Variants in NCAPG2 observed in about 807,000 individuals in gnomAD.
NCAPG2 encodes non-SMC condensin II complex subunit G2, also known as condensin-2 complex subunit G2.
In NCAPG2, 53 loss-of-function variants were observed where a neutral mutation model predicts 141.1. The ratio of observed to expected loss-of-function variants is 0.38; its 90% CI spans 0.30 to 0.47. NCAPG2 has a LOEUF of 0.47. Ranked by LOEUF, NCAPG2 falls within the 20% of genes least tolerant of loss-of-function variation. The probability of loss-of-function intolerance (pLI) is 0.99; values close to 1 mark genes in which losing one functional copy is unlikely to be tolerated. For missense variants in NCAPG2, 1,087 were observed against 1,389.0 expected (o/e 0.78, Z 3.46); for synonymous variants, 499 against 490.7 (o/e 1.02, Z -0.22).
intron 27 of NCAPG2, among the ~76,000 whole-genome samples, chr7:158,634,968 C>T (rs918608600): frequency 1.3e-5 from 2 of 152,188 alleles, no homozygotes; most frequent in African/African-American, 4.8e-5. Flanking sequence ...AGACCATGTG[C>T]AAGTCCCCTC....
intron 27 of NCAPG2, chr7:158,640,035 C>A (rs1278396753): frequency 2.8e-5 from 3 of 108,484 alleles, no homozygotes; most frequent in Non-Finnish European, 5.1e-5. Context: ...TCATAGAATA[C>A]TGAATAGAAT....
At chr7:158,696,903 C>G (rs1378729631) in intron 2 of NCAPG2, among the ~76,000 whole-genome samples, 1 of 152,184 alleles carries the variant, frequency 6.6e-6, no homozygotes, top group Non-Finnish European at 1.5e-5. Context: ...AATGACAAAC[C>G]ACATATATGA....
chr7:158,691,805 ATACTT>A (rs1404992058), intron 4 of NCAPG2, among the ~76,000 whole-genome samples: 11 of 152,228 alleles, frequency 7.2e-5, no homozygotes, highest in African/African-American at 2.4e-4. Flanking sequence ...CGTTCACAAC[ATACTT>A]TAAGAAAAAA....
Position 158,701,810 on chromosome 7 carries a change from C to T in NCAPG2, c.78+12G>A. ...GTCAAAAATCACAACAAAACTAAAA[C>T]ATGAAACTTACATCAAGTTGAACAA... On this transcript the variant is annotated intron_variant, in intron 2 of 27. Transcript: ENST00000356309. 6.2e-7 allele frequency: 1 copy of T among 1,607,912 alleles called. No homozygotes were observed. Among genetic ancestry groups the T allele is most frequent in the Non-Finnish European group, 8.5e-7 (1 of 1,175,280 alleles).
At chr7:158,642,961 T>A (rs1218741846) in intron 27 of NCAPG2, among the ~76,000 whole-genome samples, 4 of 152,128 alleles carry the variant, frequency 2.6e-5, no homozygotes, top group African/African-American at 9.7e-5. Context: ...TTTTATTTTT[T>A]ACTTTTATTT....
intron 13 of NCAPG2, chr7:158,667,022 GC>G (rs2129461155): frequency 1.7e-6 from 1 of 603,552 alleles, no homozygotes; most frequent in Non-Finnish European, 2.1e-6. Flanking sequence ...CATAGACAAT[GC>G]CCTCCCGTCA....
intron 27 of NCAPG2, among the ~76,000 whole-genome samples, chr7:158,632,991 A>C (rs1054512658): frequency 6.6e-6 from 1 of 152,190 alleles, no homozygotes; most frequent in Non-Finnish European, 1.5e-5. Flanking sequence ...GGCCTGCATG[A>C]ATCTAGAAAA....
chr7:158,641,312 G>A lies in NCAPG2; in HGVS notation c.3380+2977C>T, dbSNP rs141519957. ...CTATATCAATAATCACTTTGAATAT[G>A]GTACATATGCACCAATTTTAAGACA... On this transcript the variant is annotated intron_variant, in intron 27 of 27. Coordinates refer to ENST00000356309, the MANE Select transcript of NCAPG2 (RefSeq NM_017760.7). 4.3e-5 allele frequency: 17 copies of A among 398,952 alleles called. No homozygotes were observed. In the Admixed American group the frequency reaches 6.6e-4, roughly 16 times the overall value. The allele number at this position is 398,952 out of a possible 1,614,324, so 24.7% of individuals were successfully genotyped here.
At chr7:158,704,165 G>A (rs1204443608) in intron 1 of NCAPG2, among the ~76,000 whole-genome samples, 1 of 143,540 alleles carries the variant, frequency 7.0e-6, no homozygotes, top group African/African-American at 2.6e-5. Flanking sequence ...TGAGGGGGTC[G>A]CTCTCTGAGG....
chr7:158,644,108 T>G (rs1417157244), intron 27 of NCAPG2, among the ~76,000 whole-genome samples, 181 bp downstream of exon 27: 1 of 152,232 alleles, frequency 6.6e-6, no homozygotes, highest in East Asian at 1.9e-4. Context: ...GAAGACAGAA[T>G]TAGCAAGTAA....
intron 27 of NCAPG2, among the ~76,000 whole-genome samples, chr7:158,639,605 G>C (rs757722856): frequency 2.6e-5 from 4 of 152,110 alleles, no homozygotes; most frequent in Non-Finnish European, 4.4e-5. Flanking sequence ...GCAGTAATAG[G>C]AAATCAGACC....
At chr7:158,639,952 TAAGAATTTCAGAAGAGAGA>T (rs1423950880) in intron 27 of NCAPG2, 1 of 576,268 alleles carries the variant, frequency 1.7e-6, no homozygotes, top group East Asian at 1.5e-4. Context: ...ACATGTATAA[TAAGAATTTCAGAAGAGAGA>T]AAGGAACAGA....
In NCAPG2 at chr7:158,692,946, A is replaced by G; in HGVS notation, c.278T>C (p.Ile93Thr). 6.5e-7 allele frequency: 1 copy of G among 1,544,464 alleles called. No homozygotes were observed. Among genetic ancestry groups the G allele is most frequent in the Non-Finnish European group, 8.9e-7 (1 of 1,129,406 alleles). ...AGATGTAATTGCATAAATTATTTCT[A>G]TGCTTTTTCTCTATAAATGAAAAAT... is the stretch of plus-strand genomic sequence containing the variant. ...TEHGSKMRKS[I>T]EIIYAITSVI... The change falls in exon 4 of 28, where the codon ATA (isoleucine) becomes ACA (threonine). Residue 93 changes from isoleucine (I) to threonine (T), a missense_variant. Physicochemically the swap from Ile to Thr is moderately conservative, Grantham distance 89. Coordinates refer to ENST00000356309, the MANE Select transcript of NCAPG2 (RefSeq NM_017760.7).
At chr7:158,694,661 G>A (rs12668173) in intron 2 of NCAPG2, among the ~76,000 whole-genome samples, 47,116 of 151,954 alleles carry the variant, frequency 0.31, 7,509 homozygotes, top group East Asian at 0.4. Flanking sequence ...CAAAACTGTC[G>A]GGGTCATAAA....
At chr7:158,652,749 T>C (rs1273543226) in intron 22 of NCAPG2, among the ~76,000 whole-genome samples, 1 of 152,222 alleles carries the variant, frequency 6.6e-6, no homozygotes, top group Non-Finnish European at 1.5e-5. Context: ...AACTAAAAAT[T>C]GTGTTCATTG....
At chr7:158,701,586 TC>T (rs1835793514) in intron 2 of NCAPG2, among the ~76,000 whole-genome samples, 1 of 152,220 alleles carries the variant, frequency 6.6e-6, no homozygotes, top group Non-Finnish European at 1.5e-5. Context: ...GTTAGATGGG[TC>T]CTTTCCCCCA....
chr7:158,686,089 C>T (rs981941583), intron 8 of NCAPG2, 83 bp downstream of exon 8: 1 of 837,938 alleles, frequency 1.2e-6, no homozygotes, highest in Admixed American at 3.3e-5. Context: ...AAACATGGAT[C>T]TTAAATAACC....
At chr7:158,684,206 T>C (rs532276095) in intron 8 of NCAPG2, among the ~76,000 whole-genome samples, 1 of 152,168 alleles carries the variant, frequency 6.6e-6, no homozygotes, top group Non-Finnish European at 1.5e-5. Flanking sequence ...CAATGAAAGA[T>C]GAGATACACA....
Position 158,644,372 on chromosome 7 carries a change from T to G in NCAPG2, c.3297A>C (p.Ser1099=). ...CAGTGGCTGCAACCTCCCTCACTTTTGAGCTTTTATGTTTACCTGGGAAAA... is the reference window on the plus strand; with the variant it reads ...CAGTGGCTGCAACCTCCCTCACTTTGGAGCTTTTATGTTTACCTGGGAAAA... The part of the protein sequence containing the change: ...LVINAGKHKS[S]KVREVAATVH... Residue 1099 remains serine, a synonymous_variant, in exon 27 of 28, where the codon TCA becomes TCC. Transcript: ENST00000356309. 1 of 1,613,718 alleles carries G rather than the reference T, an allele frequency of 6.2e-7. No individual in the cohort carries two copies.
Sources: gnomAD v4.1 joint callset for allele counts (sites outside exome capture counted in the v4.1 genomes callset) on GRCh38, gnomAD v4.1.1 for gene constraint, MANE v1.5 for transcripts, NCBI Gene and HGNC (gene_info 2026-07-23, HGNC 2026-07-21) for gene names.